Variants in MX1 observed in about 807,000 individuals in gnomAD.
MX1 encodes interferon-induced GTP-binding protein Mx1.
A neutral mutation model predicts 66.4 loss-of-function variants in MX1; 66 were observed. That is an observed-to-expected ratio of 0.99 (90% CI 0.82 to 1.22). The LOEUF (loss-of-function observed/expected upper bound fraction) is 1.22, where lower values mean the gene tolerates loss of function less well. MX1 is among the 50% of genes most tolerant of loss of function. MX1 has a pLI of 0.00. For missense variants in MX1, 787 were observed against 834.3 expected (o/e 0.94, Z 0.70); for synonymous variants, 311 against 318.1 (o/e 0.98, Z 0.24).
chr21:41,444,029 A>G (rs551614258), intron 11 of MX1, among the ~76,000 whole-genome samples, 163 bp downstream of exon 11: 45 of 152,310 alleles, frequency 3.0e-4, no homozygotes, highest in Non-Finnish European at 6.3e-4. Context: ...AGAATTCTGC[A>G]TTTCCAGCAA....
intron 5 of MX1, 87 bp downstream of exon 5, chr21:41,432,262 C>G: frequency 8.8e-7 from 1 of 1,135,946 alleles, no homozygotes; most frequent in Non-Finnish European, 1.3e-6. Flanking sequence ...GCTACTGCTG[C>G]CCAGATATGC....
intron 13 of MX1, among the ~76,000 whole-genome samples, chr21:41,446,620 G>GAA (rs35477708): frequency 1.3e-5 from 2 of 151,928 alleles, no homozygotes; most frequent in Non-Finnish European, 2.9e-5. Flanking sequence ...TGTGCTACTG[G>GAA]AAAAAAATGG....
chr21:41,444,440 C>T (rs2090607657), intron 11 of MX1, among the ~76,000 whole-genome samples: 2 of 148,600 alleles, frequency 1.3e-5, no homozygotes, highest in South Asian at 4.3e-4. Flanking sequence ...AATTCTCCTA[C>T]CTCAGCCTCC....
chr21:41,441,079 G>GCTCGATGAGAATGGGGGAGCCCGCCTGTT lies in MX1; in HGVS notation c.730+58_730+59insATGAGAATGGGGGAGCCCGCCTGTTCTCG. 6.9e-7 allele frequency: 1 copy of GCTCGATGAGAATGGGGGAGCCCGCCTGTT among 1,455,762 alleles called. No individual in the cohort carries two copies. The highest frequency in any genetic ancestry group is 9.2e-7 in the Non-Finnish European group (1 of 1,085,224). The allele number at this position is 1,455,762 out of a possible 1,614,324, so 90.2% of individuals were successfully genotyped here. A position where few individuals can be genotyped will look rare whatever the true frequency, so the allele number is the denominator to read the frequency against. ...AGTGAGAATGGGGGAGCCCGCCTGT[G>GCTCGATGAGAATGGGGGAGCCCGCCTGTT]CTCGGTGAGAATGGGGGAGCCCACC... is the stretch of plus-strand genomic sequence containing the variant. On this transcript the variant is annotated intron_variant, in intron 9 of 16. Transcript: ENST00000398598. This position sits in a 1 kb window ranked among gnomAD's most constrained non-coding sequence, Gnocchi z 4.0.
chr21:41,442,660 C>T (rs2090553129), intron 10 of MX1: 1 of 152,270 alleles, frequency 6.6e-6, no homozygotes, highest in South Asian at 2.1e-4. Context: ...CAAATGGAAA[C>T]TTACATCCTG....
At chr21:41,453,313 T>C (rs963572480) in intron 16 of MX1, among the ~76,000 whole-genome samples, 1 of 152,174 alleles carries the variant, frequency 6.6e-6, no homozygotes, top group Non-Finnish European at 1.5e-5. Flanking sequence ...GTGGGAATTA[T>C]GGGAGTACAA....
rs1231172334 is a variant in MX1, at chr21:41,445,654, C to T, written c.1131+84C>T. 9 of 1,575,380 alleles carry T rather than the reference C, an allele frequency of 5.7e-6. No homozygotes were observed. In the South Asian group the frequency reaches 5.7e-5, roughly 10 times the overall value. On this transcript the variant is annotated intron_variant, in intron 12 of 16. Coordinates refer to ENST00000398598, the MANE Select transcript of MX1 (RefSeq NM_002462.5). ...CCTGGGCCTTATGCACTTCCTTCTT[C>T]ACTCCCCCAAGGCTGATCCAAAGAC...
intron 12 of MX1, 185 bp downstream of exon 12, chr21:41,445,755 C>G: frequency 1.1e-6 from 1 of 875,132 alleles, no homozygotes; most frequent in South Asian, 1.8e-5. Flanking sequence ...GGGGTGGAGT[C>G]AGCAGCGAGG....
chr21:41,456,476 A>G (rs767830876), intron 16 of MX1, among the ~76,000 whole-genome samples: 42 of 152,248 alleles, frequency 2.8e-4, no homozygotes, highest in Admixed American at 4.6e-4. Context: ...AAGACCCTCA[A>G]CTGATTGGAT....
At chr21:41,456,499 C>A (rs1387149619) in intron 16 of MX1, among the ~76,000 whole-genome samples, 1 of 152,102 alleles carries the variant, frequency 6.6e-6, no homozygotes, top group African/African-American at 2.4e-5. Context: ...GGCCCATCCA[C>A]ATCATTGAGA....
At chr21:41,436,130 G>A (rs1455184109) in intron 6 of MX1, 101 bp downstream of exon 6, 2 of 1,357,298 alleles carry the variant, frequency 1.5e-6, no homozygotes, top group Non-Finnish European at 2.0e-6. Context: ...CACAGTTCTG[G>A]AGACTGGAAG....
chr21:41,432,235 C>T, intron 5 of MX1, 60 bp downstream of exon 5: 1 of 1,486,150 alleles, frequency 6.7e-7, no homozygotes. Flanking sequence ...TTCGAGGCTG[C>T]CCTTTTCTAC....
chr21:41,458,460 T>G, intron 16 of MX1, 68 bp from the exon 17 acceptor site: 1 of 1,161,468 alleles, frequency 8.6e-7, no homozygotes, highest in Non-Finnish European at 1.1e-6. Context: ...CATGTGCACA[T>G]GGTGAGGTCA....
At position 41,452,767 on chromosome 21, in the gene MX1, A is replaced by C. The variant is rs757340534; in HGVS notation, c.1656A>C (p.Glu552Asp). ...LQKVREKELE[E>D]EKKKKSWDFG... ...AGGTCAGAGAGAAGGAGCTGGAAGA[A>C]GAAAAGAAGAAGAAATCCTGGGATT... is the stretch of plus-strand genomic sequence containing the variant. Residue 552 changes from glutamate (E) to aspartate (D), a missense_variant, in exon 16 of 17, where the codon GAA (glutamate) becomes GAC (aspartate). Coordinates refer to ENST00000398598, the MANE Select transcript of MX1 (RefSeq NM_002462.5). 8 of 1,614,066 alleles carry C rather than the reference A, an allele frequency of 5.0e-6. No individual in the cohort carries two copies.
At chr21:41,439,910 G>A in intron 8 of MX1, 62 bp downstream of exon 8, 1 of 1,478,064 alleles carries the variant, frequency 6.8e-7, no homozygotes, top group Non-Finnish European at 9.3e-7. Context: ...TGGAGGGGTG[G>A]GAGGAGAAAG....
rs558459334 is a variant in MX1, at chr21:41,427,024, T to A, written c.-308-182T>A. 2.0e-5 allele frequency: 3 copies of A among 152,274 alleles called. No individual in the cohort carries two copies. In the East Asian group the frequency reaches 5.8e-4, roughly 29 times the overall value. The allele number at this position is 152,274 out of a possible 1,614,324, so 9.4% of individuals were successfully genotyped here. ...GGCACAGCTGAGACCTGCGCTCCCA[T>A]CCCACCAACACTCACAGCAGGTGCT... On this transcript the variant is annotated intron_variant, in intron 1 of 16. Coordinates refer to ENST00000398598, the MANE Select transcript of MX1 (RefSeq NM_002462.5).
intron 13 of MX1, among the ~76,000 whole-genome samples, 190 bp from the exon 14 acceptor site, chr21:41,448,926 GGTTTTGTGTGTGTGTGTGTGT>G (rs796438469): frequency 0.079 from 11,347 of 142,888 alleles, 471 homozygotes; most frequent in South Asian, 0.12. Flanking sequence ...CTTCAGATCT[GGTTTTGTGTGTGTGTGTGTGT>G]GTGTGTGTGT....
chr21:41,447,412 G>A (rs74429776), intron 13 of MX1, among the ~76,000 whole-genome samples: 3,051 of 152,270 alleles, frequency 0.02, 146 homozygotes, highest in East Asian at 0.16. Flanking sequence ...AGCTCAGCCC[G>A]TAACACCAAG....
Position 41,430,597 on chromosome 21 carries a change from C to T in MX1, c.-33C>T, listed in dbSNP as rs185374585. 3.3e-5 allele frequency: 5 copies of T among 152,104 alleles called. No homozygotes were observed. Among genetic ancestry groups the T allele is most frequent in the Non-Finnish European group, 7.4e-5 (5 of 67,998 alleles). The allele number at this position is 152,104 out of a possible 1,614,324, so 9.4% of individuals were successfully genotyped here. A position where few individuals can be genotyped will look rare whatever the true frequency, so the allele number is the denominator to read the frequency against. ...TTGACATTACTTTTATTTGAAGGAA[C>T]GTATATTAGAGGTAAGTTGGTGCAT... is the stretch of plus-strand genomic sequence containing the variant. On this transcript the variant is annotated 5_prime_UTR_variant, in exon 4 of 17. In the 5' UTR this introduces an upstream ATG that the reference lacks. Coordinates refer to ENST00000398598, the MANE Select transcript of MX1 (RefSeq NM_002462.5).
Sources: allele counts gnomAD v4.1 joint callset (sites outside exome capture counted in the v4.1 genomes callset), GRCh38; gene constraint gnomAD v4.1.1; non-coding constraint Gnocchi (gnomAD v3.1); transcripts MANE v1.5; gene names NCBI Gene and HGNC (gene_info 2026-07-23, HGNC 2026-07-21).